TEAD1: variants seen among roughly 807,000 people sequenced by gnomAD.
TEAD1 encodes the protein TEA domain transcription factor 1, also known as transcriptional enhancer factor TEF-1.
TEAD1 carries 9 observed loss-of-function variants against 54.9 expected under a neutral mutation model. That is an observed-to-expected ratio of 0.16 (90% CI 0.10 to 0.29). TEAD1 has a LOEUF of 0.29. TEAD1 is among the 10% of genes least tolerant of loss of function. TEAD1 has a pLI of 1.00. For missense variants in TEAD1, 387 were observed against 535.9 expected (o/e 0.72, Z 2.74); for synonymous variants, 200 against 187.8 (o/e 1.07, Z -0.53).
intron 3 of TEAD1, among the ~76,000 whole-genome samples, chr11:12,768,085 A>G (rs1377050254): frequency 2.6e-5 from 4 of 152,176 alleles, no homozygotes; most frequent in Non-Finnish European, 5.9e-5. Flanking sequence ...AGACCCCATA[A>G]TCAAATAGGG....
intron 3 of TEAD1, among the ~76,000 whole-genome samples, chr11:12,831,266 A>G (rs963921597): frequency 1.3e-5 from 2 of 151,978 alleles, no homozygotes; most frequent in Admixed American, 6.6e-5. Flanking sequence ...TGTTTCTTCC[A>G]TGAATTCTTT....
intron 9 of TEAD1, among the ~76,000 whole-genome samples, chr11:12,888,354 C>G (rs573468861): frequency 1.3e-5 from 2 of 152,214 alleles, no homozygotes; most frequent in Admixed American, 6.5e-5. Flanking sequence ...ACTAAAAATA[C>G]AAAAATTAGC....
chr11:12,903,322 C>G (rs1177222190), intron 10 of TEAD1, among the ~76,000 whole-genome samples: 1 of 152,172 alleles, frequency 6.6e-6, no homozygotes, highest in Non-Finnish European at 1.5e-5. Context: ...ATCTGTCAAC[C>G]TAAGCCTCTA....
At chr11:12,730,416 GTTTTTTTT>G (rs59731479) in intron 2 of TEAD1, among the ~76,000 whole-genome samples, 26 of 60,246 alleles carry the variant, frequency 4.3e-4, no homozygotes, top group African/African-American at 1.1e-3. Context: ...CCAGTTGAGT[GTTTTTTTT>G]TTTTTTTTTT....
At chr11:12,725,488 A>G (rs894965215) in intron 2 of TEAD1, among the ~76,000 whole-genome samples, 24 of 152,250 alleles carry the variant, frequency 1.6e-4, no homozygotes, top group Admixed American at 9.8e-4. Context: ...TTCCCAACAC[A>G]TAATAATGAT....
chr11:12,902,235 A>T, intron 10 of TEAD1, 122 bp downstream of exon 10: 1 of 1,348,112 alleles, frequency 7.4e-7, no homozygotes, highest in Non-Finnish European at 1.1e-6. Context: ...GTGCTTCTGC[A>T]CAATTGCCAA....
chr11:12,894,184 T>C (rs898344421), intron 9 of TEAD1, among the ~76,000 whole-genome samples: 2 of 152,226 alleles, frequency 1.3e-5, no homozygotes, highest in Non-Finnish European at 2.9e-5. Flanking sequence ...TTGACAGCAG[T>C]CATTTTTCAA....
At chr11:12,900,244 G>C (rs373622399) in intron 9 of TEAD1, among the ~76,000 whole-genome samples, 84 of 138,226 alleles carry the variant, frequency 6.1e-4, no homozygotes, top group African/African-American at 2.2e-3. Flanking sequence ...TTTTTTTTCT[G>C]GTAGAGATGT....
At chr11:12,862,426 T>C in intron 4 of TEAD1, 112 bp downstream of exon 4, 1 of 869,336 alleles carries the variant, frequency 1.2e-6, no homozygotes, top group East Asian at 2.5e-5. Flanking sequence ...TTGAGTTCCC[T>C]GTAAGGACGT....
chr11:12,701,561 G>T (rs1943702056), intron 2 of TEAD1, among the ~76,000 whole-genome samples: 1 of 152,118 alleles, frequency 6.6e-6, no homozygotes, highest in African/African-American at 2.4e-5. Flanking sequence ...GGGTCATGCC[G>T]GTGGGTTTTC....
At chr11:12,872,457 C>T (rs978654622) in intron 5 of TEAD1, among the ~76,000 whole-genome samples, 1 of 152,200 alleles carries the variant, frequency 6.6e-6, no homozygotes, top group Non-Finnish European at 1.5e-5. Flanking sequence ...ATGACATATA[C>T]GCTTTCTCCT....
Position 12,850,711 on chromosome 11 carries a change from G to A in TEAD1, c.203-11539G>A, listed in dbSNP as rs973457083. Among the ~76,000 whole-genome samples the A allele has an allele frequency of 8.5e-5, 13 of 152,270 alleles. No homozygotes were observed. The South Asian group carries it at 1.0e-3, about 12-fold the overall frequency. On this transcript the variant is annotated intron_variant, in intron 3 of 12. Transcript: ENST00000527636. Reference sequence around the variant, plus strand: ...TAAAGATTCTTCATTATAAACTAGCGGTGTTTAGCACTTCAAATGTGTGGA... The same window carrying A: ...TAAAGATTCTTCATTATAAACTAGCAGTGTTTAGCACTTCAAATGTGTGGA...
Position 12,820,809 on chromosome 11 carries a change from A to G in TEAD1, c.203-41441A>G, listed in dbSNP as rs75717194. Among the ~76,000 whole-genome samples, 788 of 152,286 alleles carry G rather than the reference A, an allele frequency of 5.2e-3. 5 individuals carry two copies. The highest frequency in any genetic ancestry group is 0.017 in the African/African-American group (727 of 41,552). The stretch of plus-strand genomic sequence containing the variant: ...ATTATTGTCATGATTTTGTTGTGCC[A>G]TTGAGGTACATTAACTTAAATAAAT... On this transcript the variant is annotated intron_variant, in intron 3 of 12. Transcript: ENST00000527636.
intron 3 of TEAD1, among the ~76,000 whole-genome samples, chr11:12,824,787 T>G (rs1946617334): frequency 6.6e-6 from 1 of 152,138 alleles, no homozygotes; most frequent in Non-Finnish European, 1.5e-5. Context: ...GGGGCCGGGC[T>G]CCTGGCCTGG....
intron 2 of TEAD1, among the ~76,000 whole-genome samples, chr11:12,691,502 A>G (rs1943456532): frequency 6.6e-6 from 1 of 151,948 alleles, no homozygotes; most frequent in Admixed American, 6.6e-5. Context: ...TGCCATGTCA[A>G]CTCTAATCGT....
chr11:12,870,624 G>T (rs900908528), intron 5 of TEAD1, among the ~76,000 whole-genome samples: 3 of 152,186 alleles, frequency 2.0e-5, no homozygotes, highest in Non-Finnish European at 4.4e-5. Flanking sequence ...GGTGGCTCAC[G>T]CCTGTAATCC....
intron 3 of TEAD1, among the ~76,000 whole-genome samples, chr11:12,805,935 A>G (rs1467326336): frequency 6.6e-6 from 1 of 152,092 alleles, no homozygotes; most frequent in Non-Finnish European, 1.5e-5. Flanking sequence ...TAATACCTGA[A>G]TTGACAGACT....
intron 2 of TEAD1, among the ~76,000 whole-genome samples, chr11:12,732,744 G>T (rs1437823695): frequency 1.3e-5 from 2 of 152,204 alleles, no homozygotes; most frequent in Admixed American, 1.3e-4. Context: ...GGGACTAGGG[G>T]AGTGGAAAAG....
chr11:12,731,269 A>G (rs564600971), intron 2 of TEAD1, among the ~76,000 whole-genome samples: 2 of 152,314 alleles, frequency 1.3e-5, no homozygotes, highest in Admixed American at 6.5e-5. Context: ...GATTTGCAGT[A>G]TATGTCCAAT....
Sources: gnomAD v4.1 joint callset for allele counts (sites outside exome capture counted in the v4.1 genomes callset) on GRCh38, gnomAD v4.1.1 for gene constraint, MANE v1.5 for transcripts, NCBI Gene and HGNC (gene_info 2026-07-23, HGNC 2026-07-21) for gene names.